The following GUCA1C variants were observed in gnomAD, a reference collection of about 807,000 sequenced individuals.
GUCA1C encodes guanylyl cyclase-activating protein 3.
In GUCA1C, 15 loss-of-function variants were observed where a neutral mutation model predicts 16.2. The observed-to-expected ratio is 0.93, with a 90% CI of 0.62 to 1.43. GUCA1C has a LOEUF of 1.43. GUCA1C is among the 40% of genes most tolerant of loss of function. The pLI is 0.00. For synonymous variants in GUCA1C, 78 were observed against 85.4 expected, an observed-to-expected ratio of 0.91 and a Z score of 0.48; for missense variants, 275 against 244.8, an observed-to-expected ratio of 1.12 and a Z score of -0.82.
chr3:108,908,260 G>C (rs765454907), intron 3 of GUCA1C, 51 bp from the exon 4 acceptor site: 13 of 1,142,068 alleles, frequency 1.1e-5, no homozygotes, highest in Non-Finnish European at 1.6e-5. Flanking sequence ...CCACTCACTG[G>C]CACAAATGAT....
At chr3:108,954,065 C>A (rs890439935), upstream of GUCA1C, among the ~76,000 whole-genome samples, 1 of 152,128 alleles carries the variant, frequency 6.6e-6, no homozygotes, top group Non-Finnish European at 1.5e-5. Context: ...ATATTGTTAG[C>A]CATAAATTTT....
chr3:108,934,938 C>T (rs915026017), intron 1 of GUCA1C, among the ~76,000 whole-genome samples: 3 of 151,364 alleles, frequency 2.0e-5, no homozygotes, highest in Admixed American at 1.3e-4. Context: ...CTCAGCCTCC[C>T]GAGTAGCTGG....
chr3:108,916,093 G>A, intron 3 of GUCA1C, 34 bp downstream of exon 3: 1 of 1,610,634 alleles, frequency 6.2e-7, no homozygotes. Context: ...CTACTTTGTA[G>A]GAAAAGTGAT....
intron 3 of GUCA1C, chr3:108,915,919 T>C: frequency 1.7e-6 from 1 of 579,244 alleles, no homozygotes; most frequent in Admixed American, 3.5e-5. Flanking sequence ...TCCCAACATG[T>C]CAAGCACCAC....
chr3:108,910,020 A>G (rs1302908541), intron 3 of GUCA1C, among the ~76,000 whole-genome samples: 1 of 152,212 alleles, frequency 6.6e-6, no homozygotes, highest in Non-Finnish European at 1.5e-5. Flanking sequence ...AGTGCTATGA[A>G]TATGGTAGGT....
Position 108,953,873 on chromosome 3 carries a change from C to G in GUCA1C, c.-111G>C. 2 of 702,200 alleles carry G rather than the reference C, an allele frequency of 2.8e-6. No individual in the cohort carries two copies. Among genetic ancestry groups the G allele is most frequent in the South Asian group, 3.4e-5 (2 of 59,154 alleles). The allele number at this position is 702,200 out of a possible 1,614,324, so 43.5% of individuals were successfully genotyped here. ...AAGGCTAACATATGCCCTCAGAAAG[C>G]TACTCTAAACCTCTTACAGCAACAA... is the stretch of plus-strand genomic sequence containing the variant. On this transcript the variant is annotated 5_prime_UTR_variant, in exon 1 of 4. Coordinates refer to ENST00000261047, the MANE Select transcript of GUCA1C (RefSeq NM_005459.4).
chr3:108,923,117 A>G (rs929668747), intron 1 of GUCA1C, among the ~76,000 whole-genome samples: 4 of 152,078 alleles, frequency 2.6e-5, no homozygotes, highest in African/African-American at 4.8e-5. Flanking sequence ...CTCCCACTCT[A>G]TGGGTTGTCT....
Position 108,943,256 on chromosome 3 carries a change from G to C in GUCA1C, c.204+10303C>G, listed in dbSNP as rs138775955. Among the ~76,000 whole-genome samples the C allele has an allele frequency of 1.8e-3, 277 of 152,188 alleles. 2 individuals are homozygous for C. The highest frequency in any genetic ancestry group is 5.9e-3 in the African/African-American group (245 of 41,522). ...GGGGAGTGGGGGCGCTGATATGTGA[G>C]AGCCAAGAATGGTTGGATGACAGAT... is the stretch of plus-strand genomic sequence containing the variant. On this transcript the variant is annotated intron_variant, in intron 1 of 3. Transcript: ENST00000261047.
intron 1 of GUCA1C, among the ~76,000 whole-genome samples, chr3:108,934,279 C>T (rs1471045449): frequency 6.6e-6 from 1 of 152,116 alleles, no homozygotes; most frequent in African/African-American, 2.4e-5. Flanking sequence ...AACCACCATG[C>T]CACATGTATA....
At chr3:108,915,198 A>G (rs577128531) in intron 3 of GUCA1C, among the ~76,000 whole-genome samples, 1 of 152,292 alleles carries the variant, frequency 6.6e-6, no homozygotes, top group Non-Finnish European at 1.5e-5. Flanking sequence ...ACATGGGAAC[A>G]TGTGTCTCTA....
At chr3:108,908,674 C>T (rs1946416332) in intron 3 of GUCA1C, among the ~76,000 whole-genome samples, 2 of 152,192 alleles carry the variant, frequency 1.3e-5, no homozygotes, top group Admixed American at 1.3e-4. Context: ...AACATGTGTT[C>T]ATTCCACAGG....
intron 3 of GUCA1C, among the ~76,000 whole-genome samples, chr3:108,910,986 C>T (rs1173202256): frequency 2.0e-5 from 3 of 152,136 alleles, no homozygotes; most frequent in African/African-American, 7.2e-5. Flanking sequence ...TATTCAGAAA[C>T]TTCACGATTT....
intron 1 of GUCA1C, among the ~76,000 whole-genome samples, chr3:108,932,093 G>A (rs1436889741): frequency 5.9e-5 from 9 of 151,292 alleles, no homozygotes; most frequent in South Asian, 2.1e-4. Context: ...CTCGTGATCC[G>A]CCCACCTCGG....
chr3:108,943,172 T>A (rs998988597), intron 1 of GUCA1C, among the ~76,000 whole-genome samples: 3 of 151,996 alleles, frequency 2.0e-5, no homozygotes, highest in African/African-American at 7.3e-5. Flanking sequence ...TACATGAAGA[T>A]TCCATAGGCT....
At chr3:108,917,768 G>A (rs1005434885) in intron 2 of GUCA1C, among the ~76,000 whole-genome samples, 7 of 152,110 alleles carry the variant, frequency 4.6e-5, no homozygotes, top group Admixed American at 1.3e-4. Flanking sequence ...ATCTGCAGCC[G>A]GGCACGGTGA....
chr3:108,919,597 G>A (rs1946551052), intron 2 of GUCA1C, among the ~76,000 whole-genome samples: 1 of 152,022 alleles, frequency 6.6e-6, no homozygotes. Flanking sequence ...CGCTTATTTA[G>A]CTTTACATTT....
At chr3:108,920,641 T>C (rs1238577896) in intron 1 of GUCA1C, 56 bp from the exon 2 acceptor site, 2 of 1,044,510 alleles carry the variant, frequency 1.9e-6, no homozygotes, top group Non-Finnish European at 2.9e-6. Context: ...AATTGTTTTT[T>C]ATTTGAGAAC....
Position 108,934,815 on chromosome 3 carries a change from T to TTTC in GUCA1C, c.205-14231_205-14230insGAA, listed in dbSNP as rs1160513981. On this transcript the variant is annotated intron_variant, in intron 1 of 3. Transcript: ENST00000261047. Reference sequence around the variant, plus strand: ...CTCACTTATGTTCTTGATCTTTTTTTTTTTTTTTTTTTTTTTGAGACTGAG... The same window carrying TTTC: ...CTCACTTATGTTCTTGATCTTTTTTTTTCTTTTTTTTTTTTTTTTGAGACTGAG... 7.6e-4 allele frequency among the ~76,000 whole-genome samples: 103 copies of TTTC among 135,026 alleles called. 1 individual carries two copies. Among genetic ancestry groups the TTTC allele is most frequent in the Middle Eastern group, 3.6e-3 (1 of 276 alleles). The allele number at this position is 135,026 out of a possible 152,430, so 88.6% of individuals were successfully genotyped here. A position where few individuals can be genotyped will look rare whatever the true frequency, so the allele number is the denominator to read the frequency against.
intron 1 of GUCA1C, among the ~76,000 whole-genome samples, chr3:108,943,682 CA>C (rs1438241990): frequency 6.6e-6 from 1 of 152,072 alleles, no homozygotes; most frequent in Admixed American, 6.5e-5. Flanking sequence ...TAGAAAACTA[CA>C]GTAACATTTC....
Sources: allele counts gnomAD v4.1 joint callset (sites outside exome capture counted in the v4.1 genomes callset), GRCh38; gene constraint gnomAD v4.1.1; transcripts MANE v1.5; gene names NCBI Gene and HGNC (gene_info 2026-07-23, HGNC 2026-07-21).